The following ATG16L1 variants were observed in gnomAD, a reference collection of about 807,000 sequenced individuals.
ATG16L1 encodes the protein autophagy-related protein 16-1.
ATG16L1 carries 37 observed loss-of-function variants against 88.5 expected under a neutral mutation model. That is an observed-to-expected ratio of 0.42 (90% CI 0.32 to 0.55). The LOEUF is 0.55. ATG16L1 is among the 20% of genes least tolerant of loss of function. ATG16L1 has a pLI of 0.13. For synonymous variants in ATG16L1, 301 were observed against 281.0 expected (o/e 1.07, Z -0.71); for missense variants, 554 against 752.8 (o/e 0.74, Z 3.09).
At chr2:233,264,411 G>A (rs1313322422) in intron 4 of ATG16L1, among the ~76,000 whole-genome samples, 1 of 152,150 alleles carries the variant, frequency 6.6e-6, no homozygotes, top group East Asian at 1.9e-4. Context: ...TGGCCCTTGG[G>A]AAAAGGGAAA....
At chr2:233,290,129 T>C in intron 13 of ATG16L1, 119 bp from the exon 14 acceptor site, 2 of 1,503,988 alleles carry the variant, frequency 1.3e-6, no homozygotes, top group Admixed American at 3.5e-5. Context: ...TAGTTTTTCT[T>C]GTTTAAAGCT....
chr2:233,293,502 A>G (rs1699606849), intron 17 of ATG16L1, 145 bp downstream of exon 17: 4 of 731,030 alleles, frequency 5.5e-6, no homozygotes, highest in South Asian at 1.7e-5. Flanking sequence ...AGGTCAGTGG[A>G]GAGAAGCTGG....
chr2:233,255,383 C>T (rs1008892544), intron 1 of ATG16L1, among the ~76,000 whole-genome samples: 3 of 152,200 alleles, frequency 2.0e-5, no homozygotes, highest in African/African-American at 7.2e-5. Flanking sequence ...TCTCTAAGCT[C>T]TCCCCTCTTG....
At chr2:233,274,622 G>A in intron 8 of ATG16L1, 54 bp from the exon 9 acceptor site, 3 of 1,376,968 alleles carry the variant, frequency 2.2e-6, no homozygotes, top group Non-Finnish European at 3.1e-6. Flanking sequence ...ACAATTTGAT[G>A]AGCAGTAAAC....
intron 12 of ATG16L1, among the ~76,000 whole-genome samples, chr2:233,286,011 G>A (rs1304509900): frequency 6.6e-6 from 1 of 152,132 alleles, no homozygotes; most frequent in Non-Finnish European, 1.5e-5. Context: ...TGGCTGCTTG[G>A]TAAGATTTGA....
In ATG16L1 at chr2:233,274,557, C is replaced by T. The variant is rs1698212498; in HGVS notation, c.852-119C>T. On this transcript the variant is annotated intron_variant, in intron 8 of 17. Coordinates refer to ENST00000392017, the MANE Select transcript of ATG16L1 (RefSeq NM_030803.7). ...CTGTAGTTTGAAGAATCTAGAAGGA[C>T]AGGCTATCAACAGAGGCAGTCTGCT... The T allele has an allele frequency of 4.6e-6, 3 of 647,756 alleles. No individual in the cohort carries two copies. The African/African-American group carries it at 5.5e-5, about 12-fold the overall frequency. The allele number at this position is 647,756 out of a possible 1,614,324, so 40.1% of individuals were successfully genotyped here.
intron 9 of ATG16L1, chr2:233,275,662 C>T (rs1698298361): frequency 1.4e-5 from 7 of 494,524 alleles, no homozygotes; most frequent in South Asian, 1.0e-4. Flanking sequence ...GGATGGGGCG[C>T]ATCAACGCCC....
intron 2 of ATG16L1, among the ~76,000 whole-genome samples, chr2:233,259,770 T>C (rs1697073563): frequency 6.6e-6 from 1 of 152,186 alleles, no homozygotes; most frequent in Non-Finnish European, 1.5e-5. Context: ...CATCTCCATA[T>C]TCCTTTATTC....
At chr2:233,267,145 T>C (rs1697658513) in intron 5 of ATG16L1, among the ~76,000 whole-genome samples, 1 of 152,206 alleles carries the variant, frequency 6.6e-6, no homozygotes, top group African/African-American at 2.4e-5. Flanking sequence ...GGTTAGGAAT[T>C]CGAGACCAGC....
At chr2:233,256,717 GA>G (rs1696805794) in intron 2 of ATG16L1, among the ~76,000 whole-genome samples, 1 of 145,324 alleles carries the variant, frequency 6.9e-6, no homozygotes, top group Non-Finnish European at 1.5e-5. Context: ...TCTTTTTTGA[GA>G]CAGTCTCACT....
At chr2:233,273,612 A>G (rs1698134569) in intron 7 of ATG16L1, 109 bp from the exon 8 acceptor site, 4 of 1,057,004 alleles carry the variant, frequency 3.8e-6, no homozygotes, top group Admixed American at 1.9e-5. Context: ...GGGTTTGGGA[A>G]CTAAGTGGGA....
intron 6 of ATG16L1, 63 bp from the exon 7 acceptor site, chr2:233,272,903 G>T: frequency 7.1e-7 from 1 of 1,408,828 alleles, no homozygotes; most frequent in Admixed American, 1.7e-5. Context: ...ATTAGCATTT[G>T]CGGAACCGAT....
chr2:233,295,340 T>C lies in ATG16L1; in HGVS notation c.*990T>C, dbSNP rs543441735. On this transcript the variant is annotated 3_prime_UTR_variant, in exon 18 of 18. Coordinates refer to ENST00000392017, the MANE Select transcript of ATG16L1 (RefSeq NM_030803.7). ...ACTATTTTACCTACGTATAAAGTTTTAGTTCATTGGGTGTGCGAAACACCC... is the reference window on the plus strand; with the variant it reads ...ACTATTTTACCTACGTATAAAGTTTCAGTTCATTGGGTGTGCGAAACACCC... 1 of 152,958 alleles carries C rather than the reference T, an allele frequency of 6.5e-6. No individual in the cohort carries two copies. The highest frequency in any genetic ancestry group is 1.5e-5 in the Non-Finnish European group (1 of 68,042). 9.5% of individuals were successfully genotyped at this position (152,958 alleles called of 1,614,324 possible). A position where few individuals can be genotyped will look rare whatever the true frequency, so the allele number is the denominator to read the frequency against.
intron 5 of ATG16L1, among the ~76,000 whole-genome samples, chr2:233,269,653 G>A (rs905100604): frequency 6.6e-6 from 1 of 152,310 alleles, no homozygotes; most frequent in African/African-American, 2.4e-5. Context: ...ACTATTTGCT[G>A]CAGAAAACTT....
intron 10 of ATG16L1, among the ~76,000 whole-genome samples, chr2:233,278,989 A>G (rs1008076368): frequency 6.6e-6 from 1 of 152,218 alleles, no homozygotes; most frequent in African/African-American, 2.4e-5. Context: ...AGCCTGGGCA[A>G]CAAAATGAGA....
intron 3 of ATG16L1, among the ~76,000 whole-genome samples, chr2:233,263,526 C>T (rs953600812): frequency 1.3e-5 from 2 of 152,104 alleles, no homozygotes; most frequent in Non-Finnish European, 2.9e-5. Context: ...AGCCTGCTAC[C>T]TGGTGCGCTG....
Position 233,293,297 on chromosome 2 carries a change from C to G in ATG16L1, c.1670C>G (p.Ser557Cys), listed in dbSNP as rs1308196334. 6.2e-7 allele frequency: 1 copy of G among 1,614,196 alleles called. No homozygotes were observed. Among genetic ancestry groups the G allele is most frequent in the South Asian group, 1.1e-5 (1 of 91,072 alleles). ...SYVAAGSAEG[S>C]LYIWSVLTGK... ...GTGGCGGCAGGCTCTGCTGAGGGCT[C>G]TCTGTATATCTGGAGTGTGCTCACA... is the stretch of plus-strand genomic sequence containing the variant. The change falls in exon 17 of 18, where the codon TCT becomes TGT. Residue 557 changes from serine (S) to cysteine (C), a missense_variant. By Grantham distance (112) the Ser-to-Cys change is moderately radical. Transcript: ENST00000392017.
At chr2:233,287,593 T>C (rs901504655) in intron 12 of ATG16L1, among the ~76,000 whole-genome samples, 13 of 152,212 alleles carry the variant, frequency 8.5e-5, no homozygotes, top group African/African-American at 2.4e-4. Flanking sequence ...GAATTTAATG[T>C]AAGGCCGGGC....
At chr2:233,286,298 A>G (rs1699066559) in intron 12 of ATG16L1, among the ~76,000 whole-genome samples, 3 of 152,160 alleles carry the variant, frequency 2.0e-5, no homozygotes, top group African/African-American at 7.2e-5. Context: ...AGCCCAGTGG[A>G]GCAGAGAAAT....
Sources: gnomAD v4.1 joint callset for allele counts (sites outside exome capture counted in the v4.1 genomes callset) on GRCh38, gnomAD v4.1.1 for gene constraint, MANE v1.5 for transcripts, NCBI Gene and HGNC (gene_info 2026-07-23, HGNC 2026-07-21) for gene names.